SLC44A1: variants seen among roughly 807,000 people sequenced by gnomAD.
The protein encoded by SLC44A1 is solute carrier family 44 member 1, also known as choline transporter-like protein 1.
In SLC44A1, 26 loss-of-function variants were observed where a neutral mutation model predicts 79.3. That is an observed-to-expected ratio of 0.33 (90% confidence interval 0.24 to 0.46). SLC44A1 has a LOEUF of 0.46. Ranked by LOEUF, SLC44A1 falls within the 20% of genes least tolerant of loss-of-function variation. The probability of loss-of-function intolerance (pLI) is 1.00; values close to 1 mark genes in which losing one functional copy is unlikely to be tolerated. For missense variants in SLC44A1, 688 were observed against 798.1 expected (o/e 0.86, Z 1.66); for synonymous variants, 263 against 286.2 (o/e 0.92, Z 0.82).
chr9:105,347,411 A>G (rs1827273883), intron 4 of SLC44A1, among the ~76,000 whole-genome samples: 2 of 152,046 alleles, frequency 1.3e-5, no homozygotes, highest in Non-Finnish European at 2.9e-5. Context: ...CTCCTCACTT[A>G]ACAATATATT....
chr9:105,341,850 A>G (rs898960368), intron 4 of SLC44A1, among the ~76,000 whole-genome samples: 1 of 152,200 alleles, frequency 6.6e-6, no homozygotes, highest in African/African-American at 2.4e-5. Context: ...ATTCATCTCT[A>G]AATAACTCAT....
At chr9:105,428,786 G>A (rs995334148) in intron 15 of SLC44A1, among the ~76,000 whole-genome samples, 5 of 152,134 alleles carry the variant, frequency 3.3e-5, no homozygotes, top group African/African-American at 4.8e-5. Context: ...TACAGCCTCC[G>A]CCTCCTGGGT....
At chr9:105,383,461 G>A (rs912810685) in intron 14 of SLC44A1, 102 bp downstream of exon 14, 1 of 718,102 alleles carries the variant, frequency 1.4e-6, no homozygotes. Context: ...ATGCAACTGA[G>A]TAATTTAGAA....
chr9:105,436,522 A>G (rs1250008719), intron 15 of SLC44A1, among the ~76,000 whole-genome samples: 1 of 152,242 alleles, frequency 6.6e-6, no homozygotes, highest in Non-Finnish European at 1.5e-5. Flanking sequence ...TTGAGGTTAC[A>G]GTGAGCTATG....
At chr9:105,246,702 C>G (rs562414299) in intron 1 of SLC44A1, among the ~76,000 whole-genome samples, 1 of 152,046 alleles carries the variant, frequency 6.6e-6, no homozygotes, top group Admixed American at 6.5e-5. Flanking sequence ...AATTTACATT[C>G]CCTTTTGGTG....
At chr9:105,310,858 G>A (rs1471895811) in intron 3 of SLC44A1, among the ~76,000 whole-genome samples, 2 of 152,200 alleles carry the variant, frequency 1.3e-5, no homozygotes. Context: ...AGATAATGCA[G>A]TTTAAATAAA....
At chr9:105,368,474 T>C (rs1828005770) in intron 12 of SLC44A1, among the ~76,000 whole-genome samples, 2 of 152,282 alleles carry the variant, frequency 1.3e-5, no homozygotes, top group South Asian at 4.2e-4. Flanking sequence ...CTAGCATTAT[T>C]TTCTCATCTG....
At chr9:105,264,633 G>C (rs1379866930) in intron 1 of SLC44A1, among the ~76,000 whole-genome samples, 1 of 152,114 alleles carries the variant, frequency 6.6e-6, no homozygotes, top group Non-Finnish European at 1.5e-5. Context: ...CTCTCACCTA[G>C]TTGTGTGACT....
Position 105,435,163 on chromosome 9 carries a change from C to CAA in SLC44A1, c.1951-3107_1951-3106dup, listed in dbSNP as rs77661811. On this transcript the variant is annotated intron_variant, in intron 15 of 15. Coordinates refer to the SLC44A1 transcript ENST00000374724. Reference sequence around the variant, plus strand: ...GTCTGTTTCAAAAAACAAAACAAAACAAAAAAAAAAAAGGAGGAAAGCTGA... The same window carrying CAA: ...GTCTGTTTCAAAAAACAAAACAAAACAAAAAAAAAAAAAAGGAGGAAAGCTGA... Among the ~76,000 whole-genome samples the CAA allele has an allele frequency of 5.3e-4, 69 of 130,802 alleles. 1 individual carries two copies. Among genetic ancestry groups the CAA allele is most frequent in the African/African-American group, 1.7e-3 (62 of 37,304 alleles). 85.8% of individuals were successfully genotyped at this position (130,802 alleles called of 152,430 possible).
chr9:105,407,288 CAAAAGTGAT>C, intron 15 of SLC44A1, among the ~76,000 whole-genome samples: 1 of 152,240 alleles, frequency 6.6e-6, no homozygotes, highest in East Asian at 1.9e-4. Context: ...GAAAACTCCT[CAAAAGTGAT>C]AAAGACATGA....
chr9:105,409,439 C>G (rs973587470), intron 15 of SLC44A1, among the ~76,000 whole-genome samples: 1 of 152,210 alleles, frequency 6.6e-6, no homozygotes. Flanking sequence ...AATCCCAACA[C>G]TTTGGGAGGC....
intron 1 of SLC44A1, among the ~76,000 whole-genome samples, chr9:105,250,964 TC>T (rs1829570528): frequency 2.6e-5 from 4 of 152,234 alleles, no homozygotes; most frequent in African/African-American, 9.6e-5. Context: ...TTTTAAAAGT[TC>T]CCCTGGTAGC....
At chr9:105,380,258 T>G (rs1441167337) in intron 13 of SLC44A1, among the ~76,000 whole-genome samples, 1 of 152,190 alleles carries the variant, frequency 6.6e-6, no homozygotes, top group Non-Finnish European at 1.5e-5. Flanking sequence ...CAAAACTAGT[T>G]TCCTTTCCTT....
chr9:105,384,287 A>T (rs1828564235), intron 14 of SLC44A1, among the ~76,000 whole-genome samples: 1 of 151,824 alleles, frequency 6.6e-6, no homozygotes, highest in South Asian at 2.1e-4. Context: ...AGGTTCAAGC[A>T]GTTCTCCCTC....
intron 1 of SLC44A1, among the ~76,000 whole-genome samples, chr9:105,263,685 G>A (rs1030056103): frequency 3.3e-5 from 5 of 151,778 alleles, no homozygotes; most frequent in East Asian, 1.9e-4. Context: ...ACAGGCACCC[G>A]CCACCATGCC....
At chr9:105,304,944 G>GTTTTTTTTTTTTTTTTTTTTTTTTTT (rs10589897) in intron 2 of SLC44A1, among the ~76,000 whole-genome samples, 1 of 20,078 alleles carries the variant, frequency 5.0e-5, no homozygotes, top group Non-Finnish European at 1.1e-4. Context: ...ACTTTCTATC[G>GTTTTTTTTTTTTTTTTTTTTTTTTTT]TTTTTTTTTT....
chr9:105,245,030 A>C, intron 1 of SLC44A1, 126 bp downstream of exon 1: 1 of 292,952 alleles, frequency 3.4e-6, no homozygotes, highest in East Asian at 8.2e-5. Context: ...GTGCAGTCCA[A>C]AGACCCCCAC....
intron 5 of SLC44A1, among the ~76,000 whole-genome samples, chr9:105,355,041 A>G (rs138928064): frequency 4.9e-4 from 75 of 152,358 alleles, no homozygotes; most frequent in African/African-American, 1.8e-3. Context: ...TTCTGTGAAC[A>G]TATTTTCATG....
chr9:105,365,532 C>G lies in SLC44A1; in HGVS notation c.1303C>G (p.Leu435Val). 1 of 1,613,466 alleles carries G rather than the reference C, an allele frequency of 6.2e-7. No individual in the cohort carries two copies. Among genetic ancestry groups the G allele is most frequent in the South Asian group, 1.1e-5 (1 of 91,050 alleles). The change falls in exon 11 of 16, where the codon CTT becomes GTT. Residue 435 changes from leucine to valine, a missense_variant. By Grantham distance (32) the Leu-to-Val change is conservative. Coordinates refer to ENST00000374720, the MANE Select transcript of SLC44A1 (RefSeq NM_080546.5). Reference protein sequence around the residue: ...FTPILASVNRLIRYHLGTVAK... With the variant: ...FTPILASVNRVIRYHLGTVAK... ...ACCTATTTTGGCATCAGTAAATCGC[C>G]TTATTCGTTACCACCTAGGTACGGT...
Sources: allele counts gnomAD v4.1 joint callset (sites outside exome capture counted in the v4.1 genomes callset), GRCh38; gene constraint gnomAD v4.1.1; transcripts MANE v1.5; gene names NCBI Gene and HGNC (gene_info 2026-07-23, HGNC 2026-07-21).